The following ZNF483 variants were observed in gnomAD, a reference collection of about 807,000 sequenced individuals.
ZNF483 encodes zinc finger protein 483, also known as zinc finger protein HIT-10.
Under a neutral mutation model 28.6 loss-of-function variants are expected in ZNF483, and 9 were observed. The ratio of observed to expected loss-of-function variants is 0.32; its 90% confidence interval spans 0.19 to 0.55. ZNF483 has a LOEUF of 0.55. ZNF483 is among the 20% of genes least tolerant of loss of function. The pLI, the probability that ZNF483 is intolerant of heterozygous loss-of-function variation, is 0.93. For synonymous variants in ZNF483, 322 were observed against 306.2 expected (o/e 1.05, Z -0.54); for missense variants, 675 against 871.7 (o/e 0.77, Z 2.84).
intron 5 of ZNF483, among the ~76,000 whole-genome samples, chr9:111,538,310 T>C (rs1178646155): frequency 1.3e-5 from 2 of 151,182 alleles, no homozygotes. Context: ...AAGCCAGGAG[T>C]TTGAGACCAG....
chr9:111,577,672 C>T (rs1319232361), exon 6 of ZNF483: 2 of 152,060 alleles, frequency 1.3e-5, no homozygotes, highest in Non-Finnish European at 2.9e-5. Flanking sequence ...TGGCGAAACC[C>T]CATCTCTACT....
At chr9:111,537,238 T>C (rs77256387) in intron 5 of ZNF483, among the ~76,000 whole-genome samples, 1 of 151,982 alleles carries the variant, frequency 6.6e-6, no homozygotes, top group African/African-American at 2.4e-5. Flanking sequence ...TTTTTTTTTT[T>C]GGAGACAGAG....
intron 2 of ZNF483, among the ~76,000 whole-genome samples, chr9:111,529,148 A>G (rs74403987): frequency 2.7e-5 from 4 of 149,528 alleles, no homozygotes; most frequent in African/African-American, 2.5e-5. Context: ...AAAAAAAAAA[A>G]GATTGATTTC....
Position 111,543,139 on chromosome 9 carries a change from T to G in ZNF483, c.2204T>G (p.Ile735Ser). The G allele has an allele frequency of 6.2e-7, 1 of 1,611,086 alleles. No individual in the cohort carries two copies. The highest frequency in any genetic ancestry group is 8.5e-7 in the Non-Finnish European group (1 of 1,178,398). The change falls in exon 6 of 6, where the codon ATT becomes AGT. Residue 735 changes from isoleucine to serine, a missense_variant. This residue lies in a region of ZNF483 where 55 missense variants were observed against 72.4 expected (regional missense o/e 0.76). Transcript: ENST00000309235. ...EKTFKSNSGL[I>S]RHRGFHSAE is the part of the protein sequence containing the mutation. ...ACATTTAAAAGTAATTCAGGCCTCA[T>G]TAGACATCGGGGATTTCACTCTGCA...
chr9:111,572,756 CAAAA>C (rs58101079), intron 5 of ZNF483, among the ~76,000 whole-genome samples: 1 of 63,510 alleles, frequency 1.6e-5, no homozygotes. Context: ...GACCCTGTCT[CAAAA>C]AAAAAAAAAA....
rs1035745029 is a variant in ZNF483 at position 111,550,608 on chromosome 9, T to G, written c.*7438T>G. 6.6e-6 allele frequency among the ~76,000 whole-genome samples: 1 copy of G among 152,184 alleles called. No individual in the cohort carries two copies. Among genetic ancestry groups the G allele is most frequent in the Non-Finnish European group, 1.5e-5 (1 of 68,032 alleles). ...CCCAAAATAATCACTTTAGGAACTT[T>G]CTGCCGATGTAATTATTATCTAGGT... On this transcript the variant is annotated 3_prime_UTR_variant, in exon 6 of 6. Transcript: ENST00000309235.
downstream of ZNF483, among the ~76,000 whole-genome samples, chr9:111,555,804 G>A (rs1395623035): frequency 6.6e-6 from 1 of 152,086 alleles, no homozygotes; most frequent in East Asian, 1.9e-4. Context: ...CAGCATTGTG[G>A]ATTATAGTTC....
chr9:111,566,286 C>A (rs540040577), intron 5 of ZNF483, among the ~76,000 whole-genome samples: 1 of 152,290 alleles, frequency 6.6e-6, no homozygotes, highest in South Asian at 2.1e-4. Flanking sequence ...CTGGGGACAC[C>A]AGCACAGTGG....
intron 5 of ZNF483, among the ~76,000 whole-genome samples, chr9:111,537,116 A>T (rs1381537957): frequency 6.6e-6 from 1 of 152,166 alleles, no homozygotes; most frequent in Non-Finnish European, 1.5e-5. Context: ...ACAGTATTGC[A>T]CTAAACACAG....
rs371068559 is a variant in ZNF483 at position 111,530,920 on chromosome 9, A to G, written c.458A>G (p.Lys153Arg). ...DSTVSQEENS[K>R]EDKMVTVCPN... ...ACTGTTTCCCAAGAGGAGAACTCAA[A>G]AGAGGATAAAATGGTCACTGTTTGT... Residue 153 changes from lysine (K) to arginine (R), a missense_variant, in exon 3 of 6, where the codon AAA becomes AGA. Lys to Arg is a conservative substitution (Grantham distance 26). This residue lies in a region of ZNF483 where 525 missense variants were observed against 581.8 expected (regional missense o/e 0.90). Coordinates refer to ENST00000309235, the MANE Select transcript of ZNF483 (RefSeq NM_133464.5). 1.3e-6 allele frequency: 2 copies of G among 1,555,940 alleles called. No homozygotes were observed. Among genetic ancestry groups the G allele is most frequent in the Non-Finnish European group, 1.8e-6 (2 of 1,142,004 alleles).
intron 5 of ZNF483, among the ~76,000 whole-genome samples, chr9:111,565,400 TA>T (rs35398109): frequency 6.6e-6 from 1 of 152,240 alleles, no homozygotes; most frequent in African/African-American, 2.4e-5. Flanking sequence ...TTGGTAGACC[TA>T]ACAAACTAAT....
rs1434743598 is a variant in ZNF483, at chr9:111,561,181, G to GAGAA, written c.722-15181_722-15180insAAGA. ...AGAGAGAGAGAGAGAGAGAGAGAAAGAGAGAGAGATTCTTCCTGTCCAAGA... is the reference window on the plus strand; with the variant it reads ...AGAGAGAGAGAGAGAGAGAGAGAAAGAGAAAGAGAGAGATTCTTCCTGTCCAAGA... On this transcript the variant is annotated intron_variant, in intron 5 of 5. Coordinates refer to the ZNF483 transcript ENST00000358151. 2.9e-5 allele frequency among the ~76,000 whole-genome samples: 4 copies of GAGAA among 137,782 alleles called. No individual in the cohort carries two copies. The East Asian group carries it at 1.1e-3, about 36-fold the overall frequency. The allele number at this position is 137,782 out of a possible 152,430, so 90.4% of individuals were successfully genotyped here. A position where few individuals can be genotyped will look rare whatever the true frequency, so the allele number is the denominator to read the frequency against.
At chr9:111,571,477 T>C (rs1828817643) in intron 5 of ZNF483, among the ~76,000 whole-genome samples, 1 of 149,184 alleles carries the variant, frequency 6.7e-6, no homozygotes, top group Admixed American at 6.8e-5. Context: ...GTGTGTTTTG[T>C]GGTTGTCGTT....
chr9:111,534,268 A>G lies in ZNF483; in HGVS notation c.636A>G (p.Pro212=), dbSNP rs1373967101. 2.5e-6 allele frequency: 4 copies of G among 1,613,986 alleles called. No homozygotes were observed. Among genetic ancestry groups the G allele is most frequent in the South Asian group, 1.1e-5 (1 of 91,064 alleles). Residue 212 remains proline (P), a synonymous_variant, in exon 5 of 6, where the codon CCA becomes CCG. Coordinates refer to ENST00000309235, the MANE Select transcript of ZNF483 (RefSeq NM_133464.5). ...NLRNLEFLDF[P]VSKLELISQL... is the part of the protein sequence containing the mutation. The stretch of plus-strand genomic sequence containing the variant: ...TCTTTTCTCTATGAGCAGACTTTCC[A>G]GTTTCAAAATTAGAGTTGATTTCCC...
At chr9:111,530,142 A>G (rs930135198) in intron 2 of ZNF483, among the ~76,000 whole-genome samples, 1 of 152,088 alleles carries the variant, frequency 6.6e-6, no homozygotes, top group Non-Finnish European at 1.5e-5. Flanking sequence ...CAAAGGGGAG[A>G]GGGACTGAAG....
In ZNF483 at chr9:111,542,317, A is replaced by G; in HGVS notation, c.1382A>G (p.His461Arg). Residue 461 changes from histidine (H) to arginine (R), a missense_variant, in exon 6 of 6, where the codon CAC becomes CGC. This residue lies in a region of ZNF483 where 525 missense variants were observed against 581.8 expected (regional missense o/e 0.90). Transcript: ENST00000309235. This position sits in a 1 kb window ranked among gnomAD's most constrained non-coding sequence, Gnocchi z 6.2. ...SASLTKHRRI[H>R]TGEKPYMCNE... Reference sequence around the variant, plus strand: ...TCACTCACCAAACATCGGAGAATTCACACTGGAGAAAAACCCTATATGTGT... The same window carrying G: ...TCACTCACCAAACATCGGAGAATTCGCACTGGAGAAAAACCCTATATGTGT... 6.2e-7 allele frequency: 1 copy of G among 1,614,210 alleles called. No individual in the cohort carries two copies. The highest frequency in any genetic ancestry group is 8.5e-7 in the Non-Finnish European group (1 of 1,180,042).
intron 5 of ZNF483, among the ~76,000 whole-genome samples, chr9:111,537,929 GTTA>G (rs1277875923): frequency 6.6e-6 from 1 of 152,154 alleles, no homozygotes; most frequent in African/African-American, 2.4e-5. Flanking sequence ...GCCTGGCCCA[GTTA>G]TTATTTAATA....
intron 4 of ZNF483, 151 bp from the exon 5 acceptor site, chr9:111,534,110 T>C (rs1013089797): frequency 1.3e-6 from 1 of 778,826 alleles, no homozygotes; most frequent in African/African-American, 1.7e-5. Context: ...GAATACCTTT[T>C]CCCATTTTTG....
At chr9:111,578,000 TG>T (rs547836676), downstream of ZNF483, among the ~76,000 whole-genome samples, 9 of 151,412 alleles carry the variant, frequency 5.9e-5, no homozygotes, top group Non-Finnish European at 1.0e-4. Context: ...TAGCGTTTTT[TG>T]GGGGGGGTGA....
Sources: allele counts gnomAD v4.1 joint callset (sites outside exome capture counted in the v4.1 genomes callset), GRCh38; gene constraint gnomAD v4.1.1; regional missense constraint gnomAD v4.1.1; non-coding constraint Gnocchi (gnomAD v3.1); transcripts MANE v1.5; gene names NCBI Gene and HGNC (gene_info 2026-07-23, HGNC 2026-07-21).